The following ASAP1 variants were observed in gnomAD, a reference collection of about 807,000 sequenced individuals.
ASAP1 encodes arf-GAP with SH3 domain, ANK repeat and PH domain-containing protein 1.
Under a neutral mutation model 145.2 loss-of-function variants are expected in ASAP1, and 43 were observed. The ratio of observed to expected loss-of-function variants is 0.30; its 90% CI spans 0.23 to 0.38. ASAP1 has a LOEUF of 0.38. Among genes scored for constraint, ASAP1 ranks in the 10% least tolerant of loss-of-function variants. The pLI is 1.00. For missense variants in ASAP1, 1,018 were observed against 1,355.3 expected, an observed-to-expected ratio of 0.75 and a Z score of 3.91; for synonymous variants, 546 against 515.5, an observed-to-expected ratio of 1.06 and a Z score of -0.80.
intron 3 of ASAP1, among the ~76,000 whole-genome samples, chr8:130,353,849 C>G (rs1051826451): frequency 5.2e-4 from 77 of 148,814 alleles, no homozygotes; most frequent in African/African-American, 1.9e-3. Flanking sequence ...GCAGCCTCGG[C>G]GACAGAGTGA....
At position 130,311,894 on chromosome 8, in the gene ASAP1, C is replaced by CA. The variant is rs61648269; in HGVS notation, c.186+46122dup. Among the ~76,000 whole-genome samples, 173 of 149,318 alleles carry CA rather than the reference C, an allele frequency of 1.2e-3. 1 individual carries two copies. The highest frequency in any genetic ancestry group is 2.1e-3 in the South Asian group (10 of 4,700). On this transcript the variant is annotated intron_variant, in intron 3 of 29. Transcript: ENST00000518721. ...TACTTTTAAGTAAACAAAAACAACT[C>CA]AAAAAAAAATAGTAATTTGAATACG...
At chr8:130,387,449 T>C (rs1379353556) in intron 2 of ASAP1, among the ~76,000 whole-genome samples, 1 of 151,078 alleles carries the variant, frequency 6.6e-6, no homozygotes, top group Non-Finnish European at 1.5e-5. Flanking sequence ...GGCAGGAGAA[T>C]CACTTGGACC....
chr8:130,237,379 G>A (rs1053904866), intron 3 of ASAP1, among the ~76,000 whole-genome samples: 2 of 152,024 alleles, frequency 1.3e-5, no homozygotes, highest in Non-Finnish European at 2.9e-5. Flanking sequence ...CAGGCAACAG[G>A]ACACACTTTA....
intron 11 of ASAP1, among the ~76,000 whole-genome samples, chr8:130,162,669 T>A (rs1331839925): frequency 6.6e-6 from 1 of 151,760 alleles, no homozygotes; most frequent in Admixed American, 6.6e-5. Flanking sequence ...ATACAAAAAA[T>A]TAGCCGGGCG....
At chr8:130,276,371 T>A (rs1820881325) in intron 3 of ASAP1, among the ~76,000 whole-genome samples, 1 of 152,200 alleles carries the variant, frequency 6.6e-6, no homozygotes, top group Non-Finnish European at 1.5e-5. Flanking sequence ...TTACCCCAGA[T>A]CACACTGTAA....
chr8:130,283,458 T>C (rs1253318013), intron 3 of ASAP1, among the ~76,000 whole-genome samples: 1 of 151,828 alleles, frequency 6.6e-6, no homozygotes. Flanking sequence ...TGCGCGCCTG[T>C]AGTCCCAGCT....
chr8:130,148,612 A>G (rs1466393834), intron 13 of ASAP1, among the ~76,000 whole-genome samples: 1 of 152,192 alleles, frequency 6.6e-6, no homozygotes, highest in Non-Finnish European at 1.5e-5. Flanking sequence ...AATTCACAGA[A>G]CAGGGTTTTT....
intron 2 of ASAP1, among the ~76,000 whole-genome samples, chr8:130,391,949 G>A (rs1828304920): frequency 6.6e-6 from 1 of 152,168 alleles, no homozygotes; most frequent in Non-Finnish European, 1.5e-5. Context: ...CACATCTAGT[G>A]GTACAACAAA....
chr8:130,147,711 T>C (rs1329523680), intron 13 of ASAP1, among the ~76,000 whole-genome samples: 1 of 152,216 alleles, frequency 6.6e-6, no homozygotes, highest in Non-Finnish European at 1.5e-5. Flanking sequence ...TTACTGCAGA[T>C]GGACTCAAAA....
intron 5 of ASAP1, 92 bp from the exon 6 acceptor site, chr8:130,188,275 C>T: frequency 1.0e-6 from 1 of 981,264 alleles, no homozygotes; most frequent in Admixed American, 1.8e-5. Context: ...ATTTTCCACA[C>T]ACCAGGCTCT....
At chr8:130,432,677 G>A (rs539693049) in intron 1 of ASAP1, among the ~76,000 whole-genome samples, 34 of 152,206 alleles carry the variant, frequency 2.2e-4, no homozygotes, top group Non-Finnish European at 4.0e-4. Flanking sequence ...TGGCTGCCAC[G>A]GTTCCAGGTA....
At chr8:130,249,456 C>T (rs533707714) in intron 3 of ASAP1, among the ~76,000 whole-genome samples, 1 of 152,092 alleles carries the variant, frequency 6.6e-6, no homozygotes, top group Non-Finnish European at 1.5e-5. Flanking sequence ...CTAAAATTTT[C>T]TCTTTTCTGA....
chr8:130,379,695 C>G (rs1169571560), intron 2 of ASAP1, among the ~76,000 whole-genome samples: 1 of 152,156 alleles, frequency 6.6e-6, no homozygotes, highest in Non-Finnish European at 1.5e-5. Context: ...GACATTGCAC[C>G]TGGAAACACT....
chr8:130,214,396 T>C (rs901553232), intron 5 of ASAP1, among the ~76,000 whole-genome samples, 160 bp downstream of exon 5: 2 of 152,172 alleles, frequency 1.3e-5, no homozygotes, highest in African/African-American at 4.8e-5. Context: ...AGCTTTTTAG[T>C]TGAGGTGTGG....
intron 29 of ASAP1, among the ~76,000 whole-genome samples, chr8:130,055,182 G>A (rs1592701084): frequency 6.6e-6 from 1 of 152,012 alleles, no homozygotes; most frequent in Admixed American, 6.5e-5. Context: ...GAACCAGGGC[G>A]CCTGGCTGCC....
At chr8:130,158,721 C>T (rs976326361) in intron 12 of ASAP1, among the ~76,000 whole-genome samples, 3 of 151,538 alleles carry the variant, frequency 2.0e-5, no homozygotes, top group African/African-American at 7.3e-5. Context: ...TTTAAGCAGG[C>T]GAATGACATC....
intron 3 of ASAP1, among the ~76,000 whole-genome samples, chr8:130,350,775 A>G (rs573958950): frequency 6.6e-6 from 1 of 152,328 alleles, no homozygotes; most frequent in South Asian, 2.1e-4. Context: ...AATTCCCTGA[A>G]TAACTAACAC....
At chr8:130,305,072 C>A (rs1822910482) in intron 3 of ASAP1, among the ~76,000 whole-genome samples, 1 of 152,128 alleles carries the variant, frequency 6.6e-6, no homozygotes, top group South Asian at 2.1e-4. Context: ...GACCTTCGTG[C>A]TGTCGGACCC....
intron 1 of ASAP1, among the ~76,000 whole-genome samples, chr8:130,428,254 G>C (rs1007593908): frequency 5.3e-5 from 8 of 151,320 alleles, no homozygotes; most frequent in African/African-American, 1.9e-4. Flanking sequence ...TAATACCAAC[G>C]AAGTTCCCAA....
Sources: gnomAD v4.1 joint callset for allele counts (sites outside exome capture counted in the v4.1 genomes callset) on GRCh38, gnomAD v4.1.1 for gene constraint, MANE v1.5 for transcripts, NCBI Gene and HGNC (gene_info 2026-07-23, HGNC 2026-07-21) for gene names.